The following DNER variants were observed in gnomAD, a reference collection of about 807,000 sequenced individuals.
The protein encoded by DNER is delta and Notch-like epidermal growth factor-related receptor.
A neutral mutation model predicts 78.2 loss-of-function variants in DNER; 33 were observed. The ratio of observed to expected loss-of-function variants is 0.42; its 90% CI spans 0.32 to 0.56. The LOEUF is 0.56. Among genes scored for constraint, DNER ranks in the 20% least tolerant of loss-of-function variants. The pLI, the probability that DNER is intolerant of heterozygous loss-of-function variation, is 0.11. For synonymous variants in DNER, 417 were observed against 384.8 expected (o/e 1.08, Z -0.98); for missense variants, 918 against 975.3 (o/e 0.94, Z 0.78).
chr2:229,523,646 G>C (rs1410357161), intron 5 of DNER, among the ~76,000 whole-genome samples: 1 of 152,218 alleles, frequency 6.6e-6, no homozygotes, highest in Non-Finnish European at 1.5e-5. Context: ...AATTTGGGGG[G>C]CAGGAGGACA....
At chr2:229,380,862 T>C (rs1391841820) in intron 11 of DNER, among the ~76,000 whole-genome samples, 1 of 151,722 alleles carries the variant, frequency 6.6e-6, no homozygotes, top group Non-Finnish European at 1.5e-5. Context: ...GAGGCAGAGG[T>C]TGCAGTGAGC....
intron 7 of DNER, among the ~76,000 whole-genome samples, chr2:229,463,942 A>G (rs4246636): frequency 0.39 from 58,582 of 152,090 alleles, 13,140 homozygotes; most frequent in African/African-American, 0.63. Context: ...AAGGGTTGAA[A>G]GACCAGCCCA....
At chr2:229,460,363 C>T (rs1694670265) in intron 7 of DNER, among the ~76,000 whole-genome samples, 1 of 151,630 alleles carries the variant, frequency 6.6e-6, no homozygotes, top group East Asian at 1.9e-4. Flanking sequence ...TTTTTAAAAA[C>T]TATTACAAGC....
chr2:229,561,608 A>C (rs1696961029), intron 4 of DNER, among the ~76,000 whole-genome samples: 1 of 152,192 alleles, frequency 6.6e-6, no homozygotes. Flanking sequence ...CTTTTCCAAA[A>C]GAAATTTCTA....
rs545042352 is a variant in DNER at position 229,461,516 on chromosome 2, C to A, written c.1262-13976G>T. On this transcript the variant is annotated intron_variant, in intron 7 of 12. Transcript: ENST00000341772. ...TAACATTCCTGGGTTCAAGCACATT[C>A]ATGGACACATTTAACCTCCAAAATA... Among the ~76,000 whole-genome samples, 6 of 152,010 alleles carry A rather than the reference C, an allele frequency of 3.9e-5. No individual in the cohort carries two copies. The South Asian group carries it at 1.0e-3, about 26-fold the overall frequency.
At chr2:229,505,738 G>T (rs1695726979) in intron 6 of DNER, among the ~76,000 whole-genome samples, 1 of 152,148 alleles carries the variant, frequency 6.6e-6, no homozygotes, top group African/African-American at 2.4e-5. Flanking sequence ...CACGTTTCAA[G>T]AACCTCAGAA....
intron 5 of DNER, among the ~76,000 whole-genome samples, chr2:229,541,846 A>ATG (rs1696520024): frequency 6.8e-6 from 1 of 147,390 alleles, no homozygotes; most frequent in South Asian, 2.1e-4. Flanking sequence ...AATCATATAT[A>ATG]TATATGTGAT....
chr2:229,486,451 C>T (rs1333554905), intron 6 of DNER, among the ~76,000 whole-genome samples: 1 of 151,716 alleles, frequency 6.6e-6, no homozygotes, highest in East Asian at 1.9e-4. Context: ...CCACATCTAA[C>T]AAGTAAATAG....
chr2:229,596,223 C>T (rs983039672), intron 1 of DNER, among the ~76,000 whole-genome samples: 12 of 152,140 alleles, frequency 7.9e-5, no homozygotes, highest in Admixed American at 2.0e-4. Flanking sequence ...GTTATATACA[C>T]GCAGCTGCCA....
chr2:229,407,395 C>T, intron 9 of DNER, 50 bp from the exon 10 acceptor site: 2 of 1,546,122 alleles, frequency 1.3e-6, no homozygotes, highest in African/African-American at 1.4e-5. Context: ...CTCTCTGGCT[C>T]CCATGGCCTC....
At chr2:229,555,183 A>G (rs1398155688) in intron 4 of DNER, among the ~76,000 whole-genome samples, 1 of 152,210 alleles carries the variant, frequency 6.6e-6, no homozygotes, top group Non-Finnish European at 1.5e-5. Context: ...TTTTATGTCC[A>G]AAGAGAACTA....
chr2:229,650,305 G>A (rs150375391), intron 1 of DNER, among the ~76,000 whole-genome samples: 1 of 152,128 alleles, frequency 6.6e-6, no homozygotes, highest in African/African-American at 2.4e-5. Context: ...TGTGAAGGAA[G>A]TATCAGAGCC....
intron 3 of DNER, 113 bp from the exon 4 acceptor site, chr2:229,586,137 C>T: frequency 7.7e-7 from 1 of 1,303,040 alleles, no homozygotes; most frequent in Non-Finnish European, 1.0e-6. Context: ...ACCAAGGTAC[C>T]AGGAGATCGA....
At chr2:229,361,738 T>C (rs1692221680) in intron 12 of DNER, among the ~76,000 whole-genome samples, 1 of 152,082 alleles carries the variant, frequency 6.6e-6, no homozygotes, top group Non-Finnish European at 1.5e-5. Flanking sequence ...TATATAATAA[T>C]TATATTACAT....
rs1259916500 is a variant in DNER, at chr2:229,668,573, T to TATATATATATAC, written c.276+45574_276+45575insGTATATATATAT. 2.1e-3 allele frequency among the ~76,000 whole-genome samples: 191 copies of TATATATATATAC among 91,914 alleles called. 4 individuals carry two copies. The highest frequency in any genetic ancestry group is 7.2e-3 in the African/African-American group (123 of 17,078). 60.3% of individuals were successfully genotyped at this position (91,914 alleles called of 152,430 possible). On this transcript the variant is annotated intron_variant, in intron 1 of 12. Coordinates refer to ENST00000341772, the MANE Select transcript of DNER (RefSeq NM_139072.4). ...ATATATATATATATATATATATATA[T>TATATATATATAC]ATATATAAAAGAAGACATTTATGTG...
rs972197799 is a variant in DNER at position 229,439,640 on chromosome 2, G to A, written c.1486+7676C>T. 3.3e-5 allele frequency among the ~76,000 whole-genome samples: 5 copies of A among 152,172 alleles called. No individual in the cohort carries two copies. In the East Asian group the frequency reaches 7.7e-4, roughly 23 times the overall value. The stretch of plus-strand genomic sequence containing the variant: ...CAACAGTGAAAGAAAACAGTGATTG[G>A]ATCATAATAATTTTCAACCACATAG... On this transcript the variant is annotated intron_variant, in intron 8 of 12. Transcript: ENST00000341772.
chr2:229,534,051 C>T (rs1311012341), intron 5 of DNER, among the ~76,000 whole-genome samples: 2 of 152,110 alleles, frequency 1.3e-5, no homozygotes, highest in African/African-American at 4.8e-5. Flanking sequence ...CATTCATGGG[C>T]AAAAGATCCA....
chr2:229,398,944 A>T (rs1016102096), intron 10 of DNER, among the ~76,000 whole-genome samples: 1 of 150,970 alleles, frequency 6.6e-6, no homozygotes, highest in Non-Finnish European at 1.5e-5. Context: ...AACAGCATCT[A>T]AAAAAAAACA....
chr2:229,565,508 T>C (rs1418873537), intron 4 of DNER, among the ~76,000 whole-genome samples: 6 of 152,178 alleles, frequency 3.9e-5, no homozygotes, highest in African/African-American at 7.2e-5. Context: ...CTACCATTCA[T>C]AGGATTTGAA....
Sources: gnomAD v4.1 joint callset for allele counts (sites outside exome capture counted in the v4.1 genomes callset) on GRCh38, gnomAD v4.1.1 for gene constraint, MANE v1.5 for transcripts, NCBI Gene and HGNC (gene_info 2026-07-23, HGNC 2026-07-21) for gene names.